TMEM44: variants seen among roughly 807,000 people sequenced by gnomAD.
TMEM44 encodes the protein transmembrane protein 44.
Under a neutral mutation model 47.8 loss-of-function variants are expected in TMEM44, and 43 were observed. The observed-to-expected ratio is 0.90, with a 90% CI of 0.70 to 1.16. TMEM44 has a LOEUF of 1.16. Among genes scored for constraint, TMEM44 ranks in the 50% most tolerant of loss-of-function variants. The pLI is 0.00. For synonymous variants in TMEM44, 277 were observed against 238.8 expected (o/e 1.16, Z -1.48); for missense variants, 568 against 555.2 (o/e 1.02, Z -0.23).
At chr3:194,608,704 A>G (rs1170830986) in intron 8 of TMEM44, among the ~76,000 whole-genome samples, 2 of 152,184 alleles carry the variant, frequency 1.3e-5, no homozygotes, top group Non-Finnish European at 2.9e-5. Context: ...CTGTGCAGCT[A>G]GACAGGAGTG....
chr3:194,621,864 A>G (rs1465442555), intron 5 of TMEM44, among the ~76,000 whole-genome samples: 1 of 152,098 alleles, frequency 6.6e-6, no homozygotes, highest in Non-Finnish European at 1.5e-5. Flanking sequence ...GGCACCCGCC[A>G]CCACGCCTGG....
intron 9 of TMEM44, among the ~76,000 whole-genome samples, chr3:194,594,767 A>G (rs1228853587): frequency 6.6e-6 from 1 of 152,230 alleles, no homozygotes; most frequent in Non-Finnish European, 1.5e-5. Flanking sequence ...AGCCAAGCAA[A>G]CAAACAAGCA....
In TMEM44 at chr3:194,603,861, T is replaced by G. The variant is rs191254894; in HGVS notation, c.1176+426A>C. 4.4e-3 allele frequency among the ~76,000 whole-genome samples: 650 copies of G among 148,894 alleles called. 1 individual carries two copies. The highest frequency in any genetic ancestry group is 0.016 in the African/African-American group (624 of 38,574). Reference sequence around the variant, plus strand: ...GGCCCCACGGAAGTTCATTTTTTTTTTGTTTTTTTTGAGACGGAGTCTCGT... The same window carrying G: ...GGCCCCACGGAAGTTCATTTTTTTTGTGTTTTTTTTGAGACGGAGTCTCGT... On this transcript the variant is annotated intron_variant, in intron 9 of 9. Coordinates refer to ENST00000347147, the MANE Select transcript of TMEM44 (RefSeq NM_001011655.3).
At chr3:194,625,441 GGT>G (rs1491497227) in intron 3 of TMEM44, among the ~76,000 whole-genome samples, 4 of 130,010 alleles carry the variant, frequency 3.1e-5, no homozygotes, top group African/African-American at 5.6e-5. Flanking sequence ...GGGGGGGGGG[GGT>G]TGTTTTTGTT....
intron 9 of TMEM44, among the ~76,000 whole-genome samples, chr3:194,598,800 G>C (rs9843931): frequency 0.43 from 64,887 of 152,016 alleles, 14,725 homozygotes; most frequent in East Asian, 0.77. Context: ...AACCACCACC[G>C]CATCCCAGAG....
At position 194,592,280 on chromosome 3, in the gene TMEM44, A is replaced by G. The variant is rs555767155; in HGVS notation, c.1177-3641T>C. ...AACCAGGCATGAAGAGAATCTGAGCAAAAGATCCATTTTCATATCAGAAAC... is the reference window on the plus strand; with the variant it reads ...AACCAGGCATGAAGAGAATCTGAGCGAAAGATCCATTTTCATATCAGAAAC... On this transcript the variant is annotated intron_variant, in intron 9 of 9. Coordinates refer to ENST00000347147, the MANE Select transcript of TMEM44 (RefSeq NM_001011655.3). Among the ~76,000 whole-genome samples, 261 of 152,254 alleles carry G rather than the reference A, an allele frequency of 1.7e-3. 3 individuals are homozygous for G. The highest frequency in any genetic ancestry group is 0.01 in the Middle Eastern group (3 of 294).
intron 1 of TMEM44, among the ~76,000 whole-genome samples, chr3:194,632,250 A>C: frequency 6.6e-6 from 1 of 152,172 alleles, no homozygotes; most frequent in East Asian, 1.9e-4. Flanking sequence ...TTTGTATTGC[A>C]GTACTGGGTA....
At chr3:194,613,398 G>A (rs944246359) in intron 7 of TMEM44, among the ~76,000 whole-genome samples, 3 of 151,216 alleles carry the variant, frequency 2.0e-5, no homozygotes, top group Non-Finnish European at 2.9e-5. Context: ...GGCTGGTCTC[G>A]AACTCTTGAG....
intron 9 of TMEM44, among the ~76,000 whole-genome samples, chr3:194,598,688 T>G (rs9867013): frequency 0.43 from 64,684 of 151,868 alleles, 14,622 homozygotes; most frequent in East Asian, 0.77. Flanking sequence ...AGTGCTGGGG[T>G]TACCACGGCG....
At chr3:194,630,014 A>C (rs1459112288) in intron 1 of TMEM44, among the ~76,000 whole-genome samples, 37 of 54,186 alleles carry the variant, frequency 6.8e-4, no homozygotes, top group African/African-American at 1.9e-3. Context: ...ACCTGCCTCC[A>C]GAAGGGGCTG....
At chr3:194,613,804 C>A (rs1394194345) in intron 7 of TMEM44, among the ~76,000 whole-genome samples, 1 of 150,580 alleles carries the variant, frequency 6.6e-6, no homozygotes, top group East Asian at 2.0e-4. Context: ...CTAAACAACA[C>A]TTAAAGATCA....
In TMEM44 at chr3:194,627,704, G is replaced by T. The variant is rs139295200; in HGVS notation, c.264+679C>A. Among the ~76,000 whole-genome samples, 5 of 152,182 alleles carry T rather than the reference G, an allele frequency of 3.3e-5. No homozygotes were observed. The South Asian group carries it at 8.3e-4, about 25-fold the overall frequency. On this transcript the variant is annotated intron_variant, in intron 2 of 9. Coordinates refer to ENST00000347147, the MANE Select transcript of TMEM44 (RefSeq NM_001011655.3). ...ACAAGAAGTAATAAACAGGTCAGGC[G>T]TGGTGGCTCAGGCCTGTAATCCTAG...
chr3:194,630,494 G>A (rs112273894), intron 1 of TMEM44, among the ~76,000 whole-genome samples: 2 of 14,282 alleles, frequency 1.4e-4, no homozygotes, highest in Non-Finnish European at 2.5e-4. Flanking sequence ...CCCTGAAATA[G>A]TATGCTGTCG....
At chr3:194,617,293 G>T in intron 5 of TMEM44, 24 bp from the exon 6 acceptor site, 3 of 1,467,468 alleles carry the variant, frequency 2.0e-6, no homozygotes, top group East Asian at 2.5e-5. Context: ...GGGAGGGGCT[G>T]GGCGGGAGAA....
At chr3:194,613,110 G>A (rs569877882) in intron 7 of TMEM44, among the ~76,000 whole-genome samples, 7 of 152,252 alleles carry the variant, frequency 4.6e-5, no homozygotes, top group South Asian at 2.1e-4. Flanking sequence ...AACTTTAGCC[G>A]GTGGCATGAC....
rs762372222 is a variant in TMEM44, at chr3:194,633,126, G to A, written c.90C>T (p.Phe30=). 9.7e-6 allele frequency: 15 copies of A among 1,551,642 alleles called. No individual in the cohort carries two copies. The South Asian group carries it at 1.8e-4, about 18-fold the overall frequency. ...CFARHRVCIS[F]GLWICASSCW... The stretch of plus-strand genomic sequence containing the variant: ...AGGAGGAGGCGCAGATCCACAGGCC[G>A]AAGGAGATGCAGACGCGGTGGCGGG... The change falls in exon 1 of 10, where the codon TTC becomes TTT. Residue 30 remains phenylalanine, a synonymous_variant. Coordinates refer to ENST00000347147, the MANE Select transcript of TMEM44 (RefSeq NM_001011655.3).
intron 1 of TMEM44, among the ~76,000 whole-genome samples, chr3:194,629,410 C>T (rs1302097256): frequency 6.6e-6 from 1 of 152,262 alleles, no homozygotes; most frequent in Non-Finnish European, 1.5e-5. Flanking sequence ...CAGCCCCTCC[C>T]CAGTCCATAT....
chr3:194,608,136 T>A (rs770727660), intron 8 of TMEM44, among the ~76,000 whole-genome samples: 10 of 152,146 alleles, frequency 6.6e-5, no homozygotes, highest in Non-Finnish European at 1.2e-4. Flanking sequence ...TTCCCAAGGG[T>A]TCCCCACACA....
Position 194,633,087 on chromosome 3 carries a change from G to C in TMEM44, c.129C>G (p.Ala43=), listed in dbSNP as rs772124083. Residue 43 remains alanine, a synonymous_variant, in exon 1 of 10, where the codon GCC becomes GCG. Coordinates refer to ENST00000347147, the MANE Select transcript of TMEM44 (RefSeq NM_001011655.3). The part of the protein sequence containing the change: ...WICASSCWIA[A]HALLLYLRCA... ...ACCCGTGGCCCCATTACAGCGCGTG[G>C]GCGGCGATCCAGCAGGAGGAGGCGC... 1 of 1,548,246 alleles carries C rather than the reference G, an allele frequency of 6.5e-7. No homozygotes were observed. Among genetic ancestry groups the C allele is most frequent in the Admixed American group, 2.0e-5 (1 of 51,026 alleles).
Sources: allele counts gnomAD v4.1 joint callset (sites outside exome capture counted in the v4.1 genomes callset), GRCh38; gene constraint gnomAD v4.1.1; transcripts MANE v1.5; gene names NCBI Gene and HGNC (gene_info 2026-07-23, HGNC 2026-07-21).